Variants in BPHL observed in about 807,000 individuals in gnomAD.
BPHL encodes biphenyl hydrolase like.
In BPHL, 27 loss-of-function variants were observed where a neutral mutation model predicts 31.2. The observed-to-expected ratio is 0.87, with a 90% CI of 0.64 to 1.19. The LOEUF is 1.19. Ranked by LOEUF, BPHL falls within the 50% of genes most tolerant of loss-of-function variation. BPHL has a pLI of 0.00. For missense variants in BPHL, 356 were observed against 375.7 expected, an observed-to-expected ratio of 0.95 and a Z score of 0.43; for synonymous variants, 150 against 146.8, an observed-to-expected ratio of 1.02 and a Z score of -0.16.
At chr6:3,137,580 A>G (rs1404780029) in intron 5 of BPHL, 87 bp downstream of exon 5, 10 of 1,555,410 alleles carry the variant, frequency 6.4e-6, no homozygotes, top group Non-Finnish European at 8.8e-6. Flanking sequence ...TCAGTGATTC[A>G]TGAATCTGCC....
intron 5 of BPHL, chr6:3,138,002 T>C: frequency 7.8e-7 from 1 of 1,280,928 alleles, no homozygotes; most frequent in South Asian, 1.2e-5. Flanking sequence ...ACTGTAACCA[T>C]GAACAATGCA....
intron 3 of BPHL, among the ~76,000 whole-genome samples, chr6:3,128,147 ATTAAC>A (rs1453157086): frequency 5.9e-5 from 9 of 152,222 alleles, no homozygotes; most frequent in Non-Finnish European, 1.2e-4. Flanking sequence ...ATAGTAGATA[ATTAAC>A]TTAATTTTTA....
Position 3,129,079 on chromosome 6 carries a change from G to A in BPHL, c.413G>A (p.Trp138Ter), listed in dbSNP as rs1761794006. ...LKFKKVSLLG[W>*]SDGGITALIA... is the part of the protein sequence containing the mutation. ...TTTAAGAAGGTTTCTCTGCTGGGGT[G>A]GAGTGATGGGGGCATAACCGCACTC... The change falls in exon 4 of 7, where the codon TGG (tryptophan) becomes TAG (stop). Residue 138 changes from tryptophan to a stop codon, truncating the protein, a stop_gained. Coordinates refer to ENST00000380379, the MANE Select transcript of BPHL (RefSeq NM_004332.4). LOFTEE classifies it high-confidence loss of function. 2.5e-6 allele frequency: 4 copies of A among 1,614,154 alleles called. No individual in the cohort carries two copies. The highest frequency in any genetic ancestry group is 1.6e-4 in the Middle Eastern group (1 of 6,084).
chr6:3,146,436 G>A (rs1422547553), intron 6 of BPHL, among the ~76,000 whole-genome samples: 3 of 142,430 alleles, frequency 2.1e-5, no homozygotes, highest in Admixed American at 6.9e-5. Context: ...TTGGGTCGGA[G>A]TGCTGGTTTG....
intron 4 of BPHL, among the ~76,000 whole-genome samples, chr6:3,133,747 C>T (rs915319462): frequency 2.4e-4 from 37 of 152,314 alleles, no homozygotes; most frequent in African/African-American, 8.4e-4. Flanking sequence ...GTCCACTGCC[C>T]GTGTGAGCAC....
chr6:3,139,216 A>G (rs2113765512), intron 5 of BPHL: 1 of 152,360 alleles, frequency 6.6e-6, no homozygotes, highest in Middle Eastern at 3.4e-3. Flanking sequence ...GATCAAAGAC[A>G]GAGTAAGTGT....
chr6:3,127,695 T>C (rs2113751471), intron 3 of BPHL, among the ~76,000 whole-genome samples: 1 of 152,356 alleles, frequency 6.6e-6, no homozygotes, highest in Non-Finnish European at 1.5e-5. Context: ...TTTTTCTAAC[T>C]TACTATTTTT....
At chr6:3,131,009 C>T (rs1473614129) in intron 4 of BPHL, among the ~76,000 whole-genome samples, 3 of 152,078 alleles carry the variant, frequency 2.0e-5, no homozygotes, top group Non-Finnish European at 2.9e-5. Context: ...GGACAGGCTG[C>T]CTTGAGTTCT....
chr6:3,147,628 C>T (rs1762418936), intron 6 of BPHL, among the ~76,000 whole-genome samples: 1 of 151,878 alleles, frequency 6.6e-6, no homozygotes, highest in East Asian at 1.9e-4. Context: ...AAAAAAAGAA[C>T]CAACAAGACG....
chr6:3,144,365 C>CCTT (rs1246383445), intron 6 of BPHL, among the ~76,000 whole-genome samples: 1 of 136,802 alleles, frequency 7.3e-6, no homozygotes, highest in African/African-American at 2.8e-5. Flanking sequence ...CTGCACTTGG[C>CCTT]CTTCTTCTTT....
intron 2 of BPHL, 106 bp from the exon 3 acceptor site, chr6:3,127,136 G>T: frequency 1.3e-6 from 1 of 744,972 alleles, no homozygotes; most frequent in South Asian, 3.4e-5. Flanking sequence ...TGACCACTTT[G>T]AGTAGAAACT....
At chr6:3,145,644 TTC>T (rs1762322046) in intron 6 of BPHL, among the ~76,000 whole-genome samples, 2 of 78,218 alleles carry the variant, frequency 2.6e-5, no homozygotes, top group African/African-American at 9.0e-5. Context: ...GGAGTGCTGG[TTC>T]GGGGTGGAGT....
At chr6:3,123,901 C>A in intron 2 of BPHL, 141 bp downstream of exon 2, 1 of 692,080 alleles carries the variant, frequency 1.4e-6, no homozygotes, top group Non-Finnish European at 2.3e-6. Flanking sequence ...ACTTAAATGA[C>A]TTAGAAAAGT....
chr6:3,145,109 T>TCC (rs1762291341), intron 6 of BPHL, among the ~76,000 whole-genome samples: 1 of 149,834 alleles, frequency 6.7e-6, no homozygotes. Context: ...GAGTGCTGGT[T>TCC]TGGGTTTGAG....
intron 6 of BPHL, among the ~76,000 whole-genome samples, chr6:3,150,304 C>A (rs1762486260): frequency 6.6e-6 from 1 of 152,170 alleles, no homozygotes; most frequent in African/African-American, 2.4e-5. Context: ...GAAAGTTCAG[C>A]TAAAGATGAA....
In BPHL at chr6:3,127,224, C is replaced by T. The variant is rs755967664; in HGVS notation, c.212-18C>T. 6.6e-7 allele frequency: 1 copy of T among 1,504,394 alleles called. No homozygotes were observed. Among genetic ancestry groups the T allele is most frequent in the Non-Finnish European group, 9.0e-7 (1 of 1,114,602 alleles). 93.2% of individuals were successfully genotyped at this position (1,504,394 alleles called of 1,614,324 possible). Reference sequence around the variant, plus strand: ...AGTGAAAGCGATCACCTGAGGGTAACCAAGTGGCTGTTTTTAGGAAGTGGA... The same window carrying T: ...AGTGAAAGCGATCACCTGAGGGTAATCAAGTGGCTGTTTTTAGGAAGTGGA... On this transcript the variant is annotated intron_variant, in intron 2 of 6. Transcript: ENST00000380379.
intron 6 of BPHL, among the ~76,000 whole-genome samples, chr6:3,143,830 G>A (rs149440089): frequency 2.0e-5 from 3 of 152,354 alleles, no homozygotes; most frequent in East Asian, 3.9e-4. Context: ...GAGGTGCTCC[G>A]ATCTCAGGAG....
chr6:3,118,944 G>C, intron 1 of BPHL, 97 bp downstream of exon 1: 7 of 1,037,464 alleles, frequency 6.7e-6, no homozygotes, highest in Non-Finnish European at 7.4e-6. Context: ...CCCGGCGCGC[G>C]GGCACGGGGC....
At chr6:3,125,391 TA>T (rs141847999) in intron 2 of BPHL, among the ~76,000 whole-genome samples, 1 of 151,708 alleles carries the variant, frequency 6.6e-6, no homozygotes, top group South Asian at 2.1e-4. Context: ...ATTCCAATAT[TA>T]AAAAAAATGG....
Sources: gnomAD v4.1 joint callset for allele counts (sites outside exome capture counted in the v4.1 genomes callset) on GRCh38, gnomAD v4.1.1 for gene constraint, MANE v1.5 for transcripts, NCBI Gene and HGNC (gene_info 2026-07-23, HGNC 2026-07-21) for gene names.